Variants in ZNF514 observed in about 807,000 individuals in gnomAD.
ZNF514 encodes zinc finger protein 514.
Under a neutral mutation model 9.7 loss-of-function variants are expected in ZNF514, and 12 were observed. The observed-to-expected ratio is 1.24, with a 90% CI of 0.79 to 2.01. ZNF514 has a LOEUF of 2.01. Ranked by LOEUF, ZNF514 falls within the 30% of genes most tolerant of loss-of-function variation. The pLI is 0.00. For missense variants in ZNF514, 467 were observed against 465.5 expected (o/e 1.00, Z -0.03); for synonymous variants, 158 against 163.7 (o/e 0.97, Z 0.27).
chr2:95,146,450 G>C lies in ZNF514; in HGVS notation c.*2832C>G, dbSNP rs1197665731. Among the ~76,000 whole-genome samples the C allele has an allele frequency of 1.3e-5, 2 of 152,120 alleles. No individual in the cohort carries two copies. Among genetic ancestry groups the C allele is most frequent in the Non-Finnish European group, 2.9e-5 (2 of 68,032 alleles). ...TGATTATGTAGGCTTTAGGTAAGTAGAGAAGGTGCCCCCGGCTGATAGAAC... is the reference window on the plus strand; with the variant it reads ...TGATTATGTAGGCTTTAGGTAAGTACAGAAGGTGCCCCCGGCTGATAGAAC... On this transcript the variant is annotated 3_prime_UTR_variant, in exon 5 of 5. Transcript: ENST00000295208.
the ZNF514 span, among the ~76,000 whole-genome samples, chr2:95,127,526 C>T: frequency 1.3e-5 from 2 of 152,216 alleles, no homozygotes; most frequent in African/African-American, 4.8e-5. Context: ...TAGTGCCTGT[C>T]ACCTCACTAT....
chr2:95,157,264 G>A, intron 2 of ZNF514, 87 bp downstream of exon 2: 2 of 854,318 alleles, frequency 2.3e-6, no homozygotes, highest in South Asian at 1.4e-5. Context: ...AGTTCCCTTA[G>A]TGAAAAAAGA....
chr2:95,127,109 T>C, the ZNF514 span, among the ~76,000 whole-genome samples: 2 of 152,210 alleles, frequency 1.3e-5, no homozygotes, highest in Non-Finnish European at 2.9e-5. Flanking sequence ...CCTTGATGCA[T>C]AGTCACCCTG....
chr2:95,133,369 AG>A, the ZNF514 span, among the ~76,000 whole-genome samples: 1 of 152,204 alleles, frequency 6.6e-6, no homozygotes, highest in Non-Finnish European at 1.5e-5. Context: ...CAACTTCAAA[AG>A]GTCACATACT....
At chr2:95,137,328 C>T in the ZNF514 span, among the ~76,000 whole-genome samples, 1 of 152,094 alleles carries the variant, frequency 6.6e-6, no homozygotes. Context: ...AATCTTCACT[C>T]AAATAATCCC....
rs2104461678 is a variant in ZNF514, at chr2:95,147,921, G to C, written c.*1361C>G. ...CCCAAAGTGCTGAGGTTACAGGCGT[G>C]AGCCACCGCGCCCAGCCTATTTTAG... On this transcript the variant is annotated 3_prime_UTR_variant, in exon 5 of 5. Transcript: ENST00000295208. The C allele has an allele frequency of 1.3e-5, 2 of 152,310 alleles. No individual in the cohort carries two copies. Among genetic ancestry groups the C allele is most frequent in the African/African-American group, 4.8e-5 (2 of 41,552 alleles). The allele number at this position is 152,310 out of a possible 1,614,324, so 9.4% of individuals were successfully genotyped here.
At chr2:95,124,589 C>T in the ZNF514 span, among the ~76,000 whole-genome samples, 3 of 152,064 alleles carry the variant, frequency 2.0e-5, no homozygotes, top group Non-Finnish European at 4.4e-5. Flanking sequence ...CAACCTCCGT[C>T]TCCTGGGTTC....
At chr2:95,158,849 T>C (rs1488361940) in intron 1 of ZNF514, 2 of 1,288,638 alleles carry the variant, frequency 1.6e-6, no homozygotes, top group East Asian at 1.1e-4. Flanking sequence ...GCAGATGAAG[T>C]ACAGCCTCAC....
rs187622827 is a variant in ZNF514, at chr2:95,153,588, T to A, written c.-6-329A>T. On this transcript the variant is annotated intron_variant, in intron 2 of 4. Transcript: ENST00000295208. Reference sequence around the variant, plus strand: ...TCAAGTAATCTGGGGCTTATGATAATTTATCCTCCACCTGCCTGCCAGCAC... The same window carrying A: ...TCAAGTAATCTGGGGCTTATGATAAATTATCCTCCACCTGCCTGCCAGCAC... 5.5e-5 allele frequency: 10 copies of A among 181,758 alleles called. No individual in the cohort carries two copies. The East Asian group carries it at 1.4e-3, about 26-fold the overall frequency. 11.3% of individuals were successfully genotyped at this position (181,758 alleles called of 1,614,324 possible).
At chr2:95,141,812 T>C (rs1241304096), downstream of ZNF514, among the ~76,000 whole-genome samples, 1 of 152,152 alleles carries the variant, frequency 6.6e-6, no homozygotes, top group Non-Finnish European at 1.5e-5. Context: ...AATTAAGAAT[T>C]GACACAACAA....
At chr2:95,128,251 A>G in the ZNF514 span, among the ~76,000 whole-genome samples, 17 of 152,200 alleles carry the variant, frequency 1.1e-4, no homozygotes, top group Non-Finnish European at 1.5e-4. Context: ...AAAGCCAGGC[A>G]TGGTGGCAGG....
rs1278361865 is a variant in ZNF514 at position 95,145,265 on chromosome 2, A to G, written c.*4017T>C. 6.6e-6 allele frequency among the ~76,000 whole-genome samples: 1 copy of G among 152,190 alleles called. No homozygotes were observed. Among genetic ancestry groups the G allele is most frequent in the Non-Finnish European group, 1.5e-5 (1 of 68,032 alleles). ...CAGGCCATGATGGGAATGGGTGGTC[A>G]GACATACCTCATTATACCTTCCTCT... On this transcript the variant is annotated 3_prime_UTR_variant, in exon 5 of 5. Transcript: ENST00000295208.
chr2:95,134,988 C>A, the ZNF514 span, among the ~76,000 whole-genome samples: 1 of 152,214 alleles, frequency 6.6e-6, no homozygotes, highest in Non-Finnish European at 1.5e-5. Context: ...ATCTTGACTA[C>A]AGTTGCTTTA....
At position 95,152,669 on chromosome 2, in the gene ZNF514, C is replaced by T. The variant is rs749271222; in HGVS notation, c.217+5G>A. ...CATATGCAATGCTTTCACTCACTCA[C>T]TCACCTGAGTGGGCTCCTGTTGAGA... On this transcript the variant is annotated splice_donor_5th_base_variant and intron_variant, in intron 4 of 4. Coordinates refer to ENST00000295208, the MANE Select transcript of ZNF514 (RefSeq NM_032788.3). 6.2e-7 allele frequency: 1 copy of T among 1,613,450 alleles called. No individual in the cohort carries two copies. The highest frequency in any genetic ancestry group is 1.1e-5 in the South Asian group (1 of 91,068).
In ZNF514 at chr2:95,145,948, GC is replaced by G. The variant is rs1045623525; in HGVS notation, c.*3333del. ...CAACCTGCTGCTGCTCCTGACAAGA[GC>G]CACCTTGGGCACATGTTCTCAGGAT... On this transcript the variant is annotated 3_prime_UTR_variant, in exon 5 of 5. Coordinates refer to ENST00000295208, the MANE Select transcript of ZNF514 (RefSeq NM_032788.3). 2.6e-5 allele frequency among the ~76,000 whole-genome samples: 4 copies of G among 152,190 alleles called. No homozygotes were observed. Among genetic ancestry groups the G allele is most frequent in the Non-Finnish European group, 5.9e-5 (4 of 68,034 alleles).
intron 2 of ZNF514, among the ~76,000 whole-genome samples, chr2:95,157,061 T>C (rs1369031400): frequency 6.6e-6 from 1 of 152,194 alleles, no homozygotes; most frequent in African/African-American, 2.4e-5. Context: ...TCTTCCACTG[T>C]GGCTGTGACA....
chr2:95,134,007 G>A, the ZNF514 span, among the ~76,000 whole-genome samples: 110 of 152,276 alleles, frequency 7.2e-4, no homozygotes, highest in South Asian at 0.014. Flanking sequence ...AGAATCTACA[G>A]TTATTTCCAA....
chr2:95,127,332 G>T, the ZNF514 span, among the ~76,000 whole-genome samples: 1 of 152,200 alleles, frequency 6.6e-6, no homozygotes, highest in Non-Finnish European at 1.5e-5. Flanking sequence ...ACTAGGCCTA[G>T]ATCTTTTCTG....
Position 95,150,445 on chromosome 2 carries a change from G to A in ZNF514, c.218-178C>T, listed in dbSNP as rs139567518. Among the ~76,000 whole-genome samples, 712 of 152,254 alleles carry A rather than the reference G, an allele frequency of 4.7e-3. 9 individuals are homozygous for A. The highest frequency in any genetic ancestry group is 0.016 in the African/African-American group (674 of 41,528). Reference sequence around the variant, plus strand: ...TCTGAAGATGGTTTTGGAGTATCAAGAATGAGTGATGAGCAGATGACTGGA... The same window carrying A: ...TCTGAAGATGGTTTTGGAGTATCAAAAATGAGTGATGAGCAGATGACTGGA... On this transcript the variant is annotated intron_variant, in intron 4 of 4. Transcript: ENST00000295208.
Sources: allele counts gnomAD v4.1 joint callset (sites outside exome capture counted in the v4.1 genomes callset), GRCh38; gene constraint gnomAD v4.1.1; transcripts MANE v1.5; gene names NCBI Gene and HGNC (gene_info 2026-07-23, HGNC 2026-07-21).